CENATAC: variants seen among roughly 807,000 people sequenced by gnomAD.
The protein encoded by CENATAC is coiled-coil domain containing 84.
In CENATAC, 53 loss-of-function variants were observed where a neutral mutation model predicts 53.7. The ratio of observed to expected loss-of-function variants is 0.99; its 90% CI spans 0.79 to 1.24. The LOEUF (loss-of-function observed/expected upper bound fraction) is 1.24, where lower values mean the gene tolerates loss of function less well. Ranked by LOEUF, CENATAC falls within the 50% of genes most tolerant of loss-of-function variation. The pLI is 0.00. For missense variants in CENATAC, 474 were observed against 417.8 expected (o/e 1.13, Z -1.17); for synonymous variants, 156 against 144.6 (o/e 1.08, Z -0.57).
chr11:118,999,389 G>C (rs1194326688), intron 3 of CENATAC: 8 of 314,494 alleles, frequency 2.5e-5, no homozygotes, highest in Non-Finnish European at 4.8e-5. Flanking sequence ...CGTTAGAAGA[G>C]GCTGTTTATA....
At chr11:119,014,779 G>A in intron 8 of CENATAC, 1 of 405,074 alleles carries the variant, frequency 2.5e-6, no homozygotes, top group East Asian at 3.9e-5. Flanking sequence ...TATCGTTTAT[G>A]TCAGTTGTGC....
intron 3 of CENATAC, among the ~76,000 whole-genome samples, chr11:119,009,289 G>A (rs986759189): frequency 6.6e-6 from 1 of 152,028 alleles, no homozygotes; most frequent in African/African-American, 2.4e-5. Context: ...ACCACATCTG[G>A]CTAATTTTTT....
intron 3 of CENATAC, chr11:119,004,560 T>TTAA (rs1224890175): frequency 6.6e-6 from 1 of 152,110 alleles, no homozygotes; most frequent in African/African-American, 2.4e-5. Flanking sequence ...TTTCAGATTT[T>TTAA]TAATAAAAAG....
In CENATAC at chr11:119,012,187, AC is replaced by A. The variant is rs782080799; in HGVS notation, c.619del (p.Leu207CysfsTer16). On this transcript the variant is annotated frameshift_variant, in exon 7 of 11. Coordinates refer to ENST00000334418, the MANE Select transcript of CENATAC (RefSeq NM_198489.3). LOFTEE classifies it high-confidence loss of function. ...ASSLQQPSNL[D>X]LPPAPELDWM... The stretch of plus-strand genomic sequence containing the variant: ...AGCTTACAGCAGCCCTCAAATTTGG[AC>A]CTGCCACCAGCTCCAGAGCTTGACT... 1 of 1,614,020 alleles carries A rather than the reference AC, an allele frequency of 6.2e-7. No homozygotes were observed. The highest frequency in any genetic ancestry group is 8.5e-7 in the Non-Finnish European group (1 of 1,179,982).
chr11:119,014,769 T>C (rs910373437), intron 8 of CENATAC: 2 of 373,118 alleles, frequency 5.4e-6, no homozygotes, highest in African/African-American at 4.2e-5. Flanking sequence ...TTTAAGTGTG[T>C]ATCGTTTATG....
chr11:119,005,936 CTTT>C (rs1243577042), intron 3 of CENATAC: 8 of 122,620 alleles, frequency 6.5e-5, no homozygotes, highest in Non-Finnish European at 8.5e-5. Flanking sequence ...ATTTGAGATG[CTTT>C]TTTTTTTTTT....
Position 119,010,757 on chromosome 11 carries a change from T to A in CENATAC, c.384-7T>A, listed in dbSNP as rs1453320191. The A allele has an allele frequency of 6.2e-7, 1 of 1,613,958 alleles. No individual in the cohort carries two copies. The highest frequency in any genetic ancestry group is 8.5e-7 in the Non-Finnish European group (1 of 1,179,930). ...GTTCTGGGTGGTTTTGCCCCTTTTCTTTTTAGATTCAAGAAATCCATGGTG... is the reference window on the plus strand; with the variant it reads ...GTTCTGGGTGGTTTTGCCCCTTTTCATTTTAGATTCAAGAAATCCATGGTG... On this transcript the variant is annotated splice_region_variant and splice_polypyrimidine_tract_variant and intron_variant, in intron 3 of 10. Coordinates refer to ENST00000334418, the MANE Select transcript of CENATAC (RefSeq NM_198489.3).
chr11:119,012,118 C>A (rs1942895981), intron 6 of CENATAC, 31 bp from the exon 7 acceptor site: 3 of 1,614,028 alleles, frequency 1.9e-6, no homozygotes, highest in East Asian at 2.2e-5. Context: ...GCTCAAGGAC[C>A]TCATCTGGCA....
intron 3 of CENATAC, among the ~76,000 whole-genome samples, chr11:119,009,376 C>T (rs947529632): frequency 7.2e-5 from 11 of 152,178 alleles, no homozygotes; most frequent in Admixed American, 2.0e-4. Flanking sequence ...CCACCCGTCT[C>T]GGCCTCCCAA....
At chr11:119,000,804 T>C (rs908499437) in intron 3 of CENATAC, among the ~76,000 whole-genome samples, 1 of 152,062 alleles carries the variant, frequency 6.6e-6, no homozygotes, top group African/African-American at 2.4e-5. Flanking sequence ...GGGGTTTTGC[T>C]ATGTTGCCCA....
chr11:119,000,712 G>A (rs555544406), intron 3 of CENATAC, among the ~76,000 whole-genome samples: 1 of 151,818 alleles, frequency 6.6e-6, no homozygotes, highest in African/African-American at 2.4e-5. Context: ...AGCCGAGATC[G>A]CACCACTTCA....
In CENATAC at chr11:119,015,313, A is replaced by G. The variant is rs975544597; in HGVS notation, c.812A>G (p.Lys271Arg). ...SYEEFLKEKE[K>R]QKLKKLPPDR... ...TTTCCCTATCATTGTACAGAGGAAA[A>G]ACAGAAGTTGAAAAAACTCCCCCCA... Residue 271 changes from lysine to arginine, a missense_variant, in exon 10 of 11, where the codon AAA becomes AGA. Coordinates refer to ENST00000334418, the MANE Select transcript of CENATAC (RefSeq NM_198489.3). The G allele has an allele frequency of 6.2e-6, 10 of 1,611,280 alleles. No individual in the cohort carries two copies. The highest frequency in any genetic ancestry group is 8.5e-6 in the Non-Finnish European group (10 of 1,179,200).
chr11:119,008,497 T>C (rs1942714176), intron 3 of CENATAC, among the ~76,000 whole-genome samples: 1 of 152,218 alleles, frequency 6.6e-6, no homozygotes, highest in African/African-American at 2.4e-5. Flanking sequence ...GCAGTATCAC[T>C]GTAAACATGT....
intron 8 of CENATAC, among the ~76,000 whole-genome samples, chr11:119,013,555 C>T (rs1161574337): frequency 1.1e-4 from 17 of 150,944 alleles, no homozygotes; most frequent in Admixed American, 1.1e-3. Context: ...GCTCCGCCTC[C>T]CGGGTTCACG....
In CENATAC at chr11:119,015,317, G is replaced by C. The variant is rs1555187647; in HGVS notation, c.816G>C (p.Gln272His). ...YEEFLKEKEK[Q>H]KLKKLPPDRV... ...CCTATCATTGTACAGAGGAAAAACAGAAGTTGAAAAAACTCCCCCCAGACC... is the reference window on the plus strand; with the variant it reads ...CCTATCATTGTACAGAGGAAAAACACAAGTTGAAAAAACTCCCCCCAGACC... Residue 272 changes from glutamine to histidine, a missense_variant, in exon 10 of 11, where the codon CAG becomes CAC. Physicochemically the swap from Gln to His is conservative, Grantham distance 24. Coordinates refer to ENST00000334418, the MANE Select transcript of CENATAC (RefSeq NM_198489.3). 7 of 1,611,228 alleles carry C rather than the reference G, an allele frequency of 4.3e-6. No individual in the cohort carries two copies. Among genetic ancestry groups the C allele is most frequent in the Admixed American group, 3.4e-5 (2 of 59,034 alleles).
At chr11:119,010,454 T>C (rs1321985714) in intron 3 of CENATAC, 3 of 337,410 alleles carry the variant, frequency 8.9e-6, no homozygotes, top group Non-Finnish European at 1.6e-5. Flanking sequence ...AGGAAGAATT[T>C]TCTTAATGTG....
At position 119,001,967 on chromosome 11, in the gene CENATAC, T is replaced by C. The variant is rs548948701; in HGVS notation, c.383+2858T>C. 12 of 212,534 alleles carry C rather than the reference T, an allele frequency of 5.6e-5. No individual in the cohort carries two copies. The East Asian group carries it at 1.3e-3, about 23-fold the overall frequency. The allele number at this position is 212,534 out of a possible 1,614,324, so 13.2% of individuals were successfully genotyped here. ...GGCCATGCTCAGTGGCTGACACCTG[T>C]AATCCCAGCACTTTGGGAGGCCGAG... is the stretch of plus-strand genomic sequence containing the variant. On this transcript the variant is annotated intron_variant, in intron 3 of 10. Transcript: ENST00000334418.
rs1367752267 is a variant in CENATAC, at chr11:119,015,305, A to G, written c.806-2A>G. 3.1e-5 allele frequency: 50 copies of G among 1,609,272 alleles called. No homozygotes were observed. Among genetic ancestry groups the G allele is most frequent in the Non-Finnish European group, 4.1e-5 (48 of 1,178,500 alleles). On this transcript the variant is annotated splice_acceptor_variant, in intron 9 of 10. Coordinates refer to ENST00000334418, the MANE Select transcript of CENATAC (RefSeq NM_198489.3). LOFTEE classifies it high-confidence loss of function. ...AATAAAAGTTTCCCTATCATTGTACAGAGGAAAAACAGAAGTTGAAAAAAC... is the reference window on the plus strand; with the variant it reads ...AATAAAAGTTTCCCTATCATTGTACGGAGGAAAAACAGAAGTTGAAAAAAC...
intron 3 of CENATAC, chr11:119,009,499 C>T (rs1942768516): frequency 6.6e-6 from 1 of 152,190 alleles, no homozygotes; most frequent in African/African-American, 2.4e-5. Flanking sequence ...CAGAAAGCCC[C>T]ATACCTCATC....
Sources: gnomAD v4.1 joint callset for allele counts (sites outside exome capture counted in the v4.1 genomes callset) on GRCh38, gnomAD v4.1.1 for gene constraint, MANE v1.5 for transcripts, NCBI Gene and HGNC (gene_info 2026-07-23, HGNC 2026-07-21) for gene names.